Variants in RP1 observed in about 807,000 individuals in gnomAD.
The protein encoded by RP1 is oxygen-regulated protein 1.
Under a neutral mutation model 14.8 loss-of-function variants are expected in RP1, and 16 were observed. The ratio of observed to expected loss-of-function variants is 1.08; its 90% CI spans 0.73 to 1.65. The LOEUF is 1.65. RP1 is among the 40% of genes most tolerant of loss of function. The pLI, the probability that RP1 is intolerant of heterozygous loss-of-function variation, is 0.00. For missense variants in RP1, 2,631 were observed against 2,535.0 expected (o/e 1.04, Z -0.81); for synonymous variants, 876 against 883.6 (o/e 0.99, Z 0.15).
chr8:54,759,159 T>TGTGC, intron 22 of RP1: 2 of 1,325,516 alleles, frequency 1.5e-6, no homozygotes, highest in Non-Finnish European at 2.0e-6. Context: ...TGTGTGTGTG[T>TGTGC]GTGTGTGTGT....
chr8:54,747,635 T>C (rs1809259425), intron 19 of RP1, among the ~76,000 whole-genome samples: 1 of 152,230 alleles, frequency 6.6e-6, no homozygotes, highest in East Asian at 1.9e-4. Context: ...GTGCATTGGC[T>C]CATGCCTGTA....
At chr8:54,754,857 T>C (rs1809460433) in exon 20 of RP1, 2 of 1,528,742 alleles carry the variant, frequency 1.3e-6, no homozygotes, top group East Asian at 2.5e-5. Context: ...AGCAAACGTA[T>C]GGCTGTCTCG....
chr8:54,709,634 T>C (rs1585626420), intron 15 of RP1, among the ~76,000 whole-genome samples: 1 of 152,178 alleles, frequency 6.6e-6, no homozygotes, highest in East Asian at 1.9e-4. Flanking sequence ...TTACACAGAA[T>C]TTGATATACA....
intron 27 of RP1, among the ~76,000 whole-genome samples, chr8:54,861,596 T>C (rs908575524): frequency 6.6e-6 from 1 of 152,198 alleles, no homozygotes; most frequent in Non-Finnish European, 1.5e-5. Context: ...AAACATTCTT[T>C]TTTTCTTTTC....
chr8:54,646,311 T>C (rs779067205), intron 3 of RP1, among the ~76,000 whole-genome samples: 19 of 151,778 alleles, frequency 1.3e-4, no homozygotes. Context: ...CTCCCCCTCT[T>C]TTCTGTCTCC....
chr8:54,560,907 C>G (rs1671522343), intron 1 of RP1: 1 of 152,190 alleles, frequency 6.6e-6, no homozygotes, highest in African/African-American at 2.4e-5. Flanking sequence ...TGGACTGGAG[C>G]CTCCATGTTG....
At chr8:54,651,218 G>C (rs1806650195) in intron 4 of RP1, among the ~76,000 whole-genome samples, 1 of 152,186 alleles carries the variant, frequency 6.6e-6, no homozygotes, top group Non-Finnish European at 1.5e-5. Context: ...GAAGATGTTT[G>C]CATCTTTATA....
intron 15 of RP1, among the ~76,000 whole-genome samples, chr8:54,709,222 T>G (rs1431268287): frequency 6.6e-6 from 1 of 152,198 alleles, no homozygotes; most frequent in African/African-American, 2.4e-5. Flanking sequence ...AAAGTTTTCT[T>G]TAGAAATTTC....
At chr8:54,777,192 A>C (rs1810063804) in intron 23 of RP1, among the ~76,000 whole-genome samples, 1 of 152,206 alleles carries the variant, frequency 6.6e-6, no homozygotes, top group South Asian at 2.1e-4. Context: ...GTATCCAATA[A>C]ACACTAGCTT....
chr8:54,810,717 C>T (rs1810970642), intron 24 of RP1, among the ~76,000 whole-genome samples: 2 of 152,188 alleles, frequency 1.3e-5, no homozygotes, highest in Admixed American at 1.3e-4. Flanking sequence ...ACTGTGCCTG[C>T]TTGCTGTTTA....
intron 24 of RP1, among the ~76,000 whole-genome samples, chr8:54,799,458 C>G (rs1810650052): frequency 6.6e-6 from 1 of 151,952 alleles, no homozygotes; most frequent in African/African-American, 2.4e-5. Context: ...TGTCATTTCA[C>G]TATGTTTAGA....
At chr8:54,638,155 G>C (rs1806386209) in intron 3 of RP1, among the ~76,000 whole-genome samples, 1 of 152,128 alleles carries the variant, frequency 6.6e-6, no homozygotes, top group Non-Finnish European at 1.5e-5. Context: ...TTTATAATAA[G>C]GGGTGCATGG....
At chr8:54,619,080 G>A (rs1805796135) in intron 1 of RP1, among the ~76,000 whole-genome samples, 1 of 152,234 alleles carries the variant, frequency 6.6e-6, no homozygotes, top group South Asian at 2.1e-4. Context: ...AGAAGAGGTT[G>A]CAGTTTTGCT....
At chr8:54,651,162 G>T (rs759454236) in intron 4 of RP1, among the ~76,000 whole-genome samples, 1 of 151,948 alleles carries the variant, frequency 6.6e-6, no homozygotes, top group Non-Finnish European at 1.5e-5. Context: ...TTATTATAAC[G>T]TATAATCTTT....
chr8:54,628,311 G>A lies in RP1; in HGVS notation c.4429G>A (p.Asp1477Asn). 1 of 1,613,844 alleles carries A rather than the reference G, an allele frequency of 6.2e-7. No individual in the cohort carries two copies. ...SFEELENHDTDIFNTVVNGGE... is the reference protein window; with the variant it reads ...SFEELENHDTNIFNTVVNGGE... ...TGAAGAATTAGAAAACCATGACACT[G>A]ATATCTTTAATACAGTGGTAAATGG... is the stretch of plus-strand genomic sequence containing the variant. The change falls in exon 4 of 4, where the codon GAT becomes AAT. Residue 1477 changes from aspartate (D) to asparagine (N), a missense_variant. Coordinates refer to ENST00000220676, the MANE Select transcript of RP1 (RefSeq NM_006269.2).
At chr8:54,670,206 T>C (rs1807121281) in intron 7 of RP1, among the ~76,000 whole-genome samples, 1 of 152,014 alleles carries the variant, frequency 6.6e-6, no homozygotes, top group African/African-American at 2.4e-5. Flanking sequence ...GTGAACTAAC[T>C]TGTGATCTCT....
intron 24 of RP1, among the ~76,000 whole-genome samples, chr8:54,836,383 G>A (rs916590298): frequency 5.9e-5 from 9 of 152,158 alleles, no homozygotes; most frequent in African/African-American, 1.2e-4. Context: ...TTCGCAGAAC[G>A]TAATTAAGGT....
At chr8:54,596,770 A>C (rs2129302900) in intron 1 of RP1, among the ~76,000 whole-genome samples, 1 of 152,336 alleles carries the variant, frequency 6.6e-6, no homozygotes, top group South Asian at 2.1e-4. Flanking sequence ...TAATTACGAT[A>C]CATTATTCAT....
intron 16 of RP1, among the ~76,000 whole-genome samples, chr8:54,725,276 T>C (rs1382795083): frequency 3.3e-5 from 5 of 152,190 alleles, no homozygotes; most frequent in African/African-American, 1.2e-4. Context: ...TATTTCTAGT[T>C]ATTTCTATCT....
Sources: gnomAD v4.1 joint callset for allele counts (sites outside exome capture counted in the v4.1 genomes callset) on GRCh38, gnomAD v4.1.1 for gene constraint, MANE v1.5 for transcripts, NCBI Gene and HGNC (gene_info 2026-07-23, HGNC 2026-07-21) for gene names.